The following SP140 variants were observed in gnomAD, a reference collection of about 807,000 sequenced individuals.
The protein encoded by SP140 is nuclear body protein SP140.
Under a neutral mutation model 125.0 loss-of-function variants are expected in SP140, and 81 were observed. The ratio of observed to expected loss-of-function variants is 0.65; its 90% CI spans 0.54 to 0.78. SP140 has a LOEUF of 0.78. Among genes scored for constraint, SP140 ranks in the 30% least tolerant of loss-of-function variants. The pLI, the probability that SP140 is intolerant of heterozygous loss-of-function variation, is 0.00. For missense variants in SP140, 858 were observed against 1,037.0 expected, an observed-to-expected ratio of 0.83 and a Z score of 2.37; for synonymous variants, 312 against 354.0, an observed-to-expected ratio of 0.88 and a Z score of 1.33.
At position 230,253,326 on chromosome 2, in the gene SP140, A is replaced by C. The variant is rs3820975; in HGVS notation, c.1068A>C (p.Leu356Phe). The change falls in exon 11 of 27, where the codon TTA becomes TTC. Residue 356 changes from leucine to phenylalanine, a missense_variant. By Grantham distance (22) the Leu-to-Phe change is conservative (BLOSUM62 0). Coordinates refer to ENST00000392045, the MANE Select transcript of SP140 (RefSeq NM_007237.5). ...TCTGTGGTCTGTCAGTTTCTTGTTT[A>C]TCTGCAGAGACCTTTGATCTAAAGA... ...SLARCGSVSC[L>F]SAETFDLKTP... 0.12 allele frequency: 199,025 copies of C among 1,607,602 alleles called. 12,940 individuals are homozygous for C. The highest frequency in any genetic ancestry group is 0.18 in the African/African-American group (13,444 of 74,766).
intron 1 of SP140, chr2:230,209,842 G>A: frequency 1.2e-6 from 1 of 817,688 alleles, no homozygotes. Context: ...TGGTCACATA[G>A]TGGTGCTCTT....
the SP140 span, chr2:230,186,266 T>C: frequency 1.1e-6 from 1 of 941,940 alleles, no homozygotes; most frequent in Non-Finnish European, 1.6e-6. Context: ...GTATCTTTCT[T>C]CCCCCCAGAC....
intron 18 of SP140, 97 bp from the exon 19 acceptor site, chr2:230,290,362 TC>T: frequency 9.1e-7 from 1 of 1,098,504 alleles, no homozygotes; most frequent in East Asian, 2.5e-5. Flanking sequence ...GAATAGAATT[TC>T]CTAAGTATCC....
chr2:230,290,577 G>A lies in SP140; in HGVS notation c.1825+13G>A, dbSNP rs774545326. 6.3e-6 allele frequency: 10 copies of A among 1,593,820 alleles called. No individual in the cohort carries two copies. The South Asian group carries it at 1.1e-4, about 18-fold the overall frequency. ...AAATTGCAGCAAGGTAGGTTTTATG[G>A]TCTTCTTTAATTTGCAGCTCCTATC... On this transcript the variant is annotated intron_variant, in intron 19 of 26. Coordinates refer to ENST00000392045, the MANE Select transcript of SP140 (RefSeq NM_007237.5).
downstream of SP140, among the ~76,000 whole-genome samples, chr2:230,314,720 A>G (rs556879124): frequency 6.6e-6 from 1 of 152,368 alleles, no homozygotes; most frequent in East Asian, 1.9e-4. Context: ...TCCATCCATC[A>G]GGTGACTGAG....
intron 1 of SP140, among the ~76,000 whole-genome samples, chr2:230,206,853 T>A (rs1055255469): frequency 6.6e-6 from 1 of 152,048 alleles, no homozygotes; most frequent in Non-Finnish European, 1.5e-5. Context: ...TTAATTACTC[T>A]GATCTAGAGG....
At chr2:230,224,106 G>A (rs944861806), upstream of SP140, among the ~76,000 whole-genome samples, 7 of 152,324 alleles carry the variant, frequency 4.6e-5, no homozygotes, top group African/African-American at 1.7e-4. Flanking sequence ...ATCCTTACCT[G>A]GGCTAATGCA....
chr2:230,221,515 C>T (rs1187479344), upstream of SP140, among the ~76,000 whole-genome samples: 2 of 152,090 alleles, frequency 1.3e-5, no homozygotes, highest in Non-Finnish European at 1.5e-5. Flanking sequence ...ATAGCAGACC[C>T]GGCCTTGCGG....
intron 3 of SP140, chr2:230,239,085 G>A (rs940910116): frequency 6.6e-6 from 9 of 1,363,506 alleles, no homozygotes; most frequent in Non-Finnish European, 8.6e-6. Context: ...AAAAGTAAAA[G>A]AAGTCAGTAT....
rs570491848 is a variant in SP140 at position 230,210,093 on chromosome 2, G to A, written c.-322-3561G>A. ...GGAAGTCAATGCAAGAACTAGAAAA[G>A]TAGAAAGTACATGCAGCCCAGGGCC... On this transcript the variant is annotated intron_variant, in intron 1 of 4. Transcript: ENST00000456542. The A allele has an allele frequency of 2.7e-4, 226 of 851,170 alleles. 1 individual carries two copies. In the South Asian group the frequency reaches 2.8e-3, roughly 11 times the overall value. The allele number at this position is 851,170 out of a possible 1,614,324, so 52.7% of individuals were successfully genotyped here. A position where few individuals can be genotyped will look rare whatever the true frequency, so the allele number is the denominator to read the frequency against.
downstream of SP140, among the ~76,000 whole-genome samples, chr2:230,315,431 A>T (rs578159493): frequency 6.6e-6 from 1 of 152,294 alleles, no homozygotes; most frequent in African/African-American, 2.4e-5. Context: ...AAGCCCTATC[A>T]TAGCCCCTGT....
downstream of SP140, among the ~76,000 whole-genome samples, chr2:230,316,232 G>A (rs577412217): frequency 4.6e-5 from 7 of 152,278 alleles, no homozygotes; most frequent in East Asian, 3.9e-4. Context: ...GGAGAGAAAC[G>A]TTACAAAGAT....
At chr2:230,247,878 T>C (rs1235463422) in intron 7 of SP140, 38 bp from the exon 8 acceptor site, 4 of 1,597,802 alleles carry the variant, frequency 2.5e-6, no homozygotes, top group Non-Finnish European at 3.4e-6. Context: ...TATATGGAAA[T>C]TACATACACT....
At chr2:230,285,299 G>C (rs1454432338) in intron 16 of SP140, among the ~76,000 whole-genome samples, 1 of 152,104 alleles carries the variant, frequency 6.6e-6, no homozygotes, top group African/African-American at 2.4e-5. Flanking sequence ...TGTCAATTTT[G>C]AATCAGTGGA....
chr2:230,196,012 T>A, the SP140 span, among the ~76,000 whole-genome samples: 6 of 152,164 alleles, frequency 3.9e-5, no homozygotes, highest in African/African-American at 1.2e-4. Flanking sequence ...TTACTACTAA[T>A]CAAAGAAACT....
intron 1 of SP140, chr2:230,207,923 C>T: frequency 2.6e-6 from 2 of 784,134 alleles, no homozygotes; most frequent in South Asian, 1.4e-5. Flanking sequence ...CAACCCTCCA[C>T]AGCTTGACCT....
rs746426724 is a variant in SP140 at position 230,287,980 on chromosome 2, C to G, written c.1720+14C>G. The G allele has an allele frequency of 9.4e-6, 15 of 1,600,226 alleles. No individual in the cohort carries two copies. The highest frequency in any genetic ancestry group is 6.9e-5 in the Admixed American group (4 of 58,052). On this transcript the variant is annotated intron_variant, in intron 18 of 26. Transcript: ENST00000392045. ...TCCGATCAAGAGGTAAAAAAGAAAA[C>G]AGGAATGAACTTTCAATAACTAAAC...
chr2:230,269,108 T>C (rs1258595286), intron 12 of SP140, among the ~76,000 whole-genome samples: 1 of 151,968 alleles, frequency 6.6e-6, no homozygotes, highest in Non-Finnish European at 1.5e-5. Context: ...AATGCAGGCT[T>C]TGTGGAGGGG....
At chr2:230,213,123 G>A in intron 1 of SP140, 6 of 1,205,846 alleles carry the variant, frequency 5.0e-6, no homozygotes, top group East Asian at 2.3e-5. Context: ...TAGGATGGGG[G>A]CATGGAGCTA....
Sources: allele counts gnomAD v4.1 joint callset (sites outside exome capture counted in the v4.1 genomes callset), GRCh38; gene constraint gnomAD v4.1.1; transcripts MANE v1.5; gene names NCBI Gene and HGNC (gene_info 2026-07-23, HGNC 2026-07-21).